ZPBP: variants seen among roughly 807,000 people sequenced by gnomAD.
ZPBP encodes the protein zona pellucida binding protein.
ZPBP carries 26 observed loss-of-function variants against 44.8 expected under a neutral mutation model. The observed-to-expected ratio is 0.58, with a 90% CI of 0.43 to 0.81. ZPBP has a LOEUF of 0.81. Ranked by LOEUF, ZPBP falls within the 30% of genes least tolerant of loss-of-function variation. The pLI is 0.00. For synonymous variants in ZPBP, 174 were observed against 153.2 expected (o/e 1.14, Z -1.00); for missense variants, 409 against 434.0 (o/e 0.94, Z 0.51).
chr7:49,953,884 C>T (rs1401857691), intron 7 of ZPBP, among the ~76,000 whole-genome samples: 1 of 151,990 alleles, frequency 6.6e-6, no homozygotes, highest in Non-Finnish European at 1.5e-5. Context: ...TAATATTACT[C>T]AAAGGGATCT....
At chr7:49,852,995 G>GCC (rs1790255560) in intron 2 of ZPBP, among the ~76,000 whole-genome samples, 1 of 152,210 alleles carries the variant, frequency 6.6e-6, no homozygotes. Context: ...CCAGTCCAGA[G>GCC]CCCTTTCCTC....
chr7:50,093,213 T>G lies in ZPBP; in HGVS notation c.-19A>C. The G allele has an allele frequency of 2.7e-6, 4 of 1,508,416 alleles. 1 individual carries two copies. The highest frequency in any genetic ancestry group is 4.7e-4 in the Middle Eastern group (2 of 4,262). 93.4% of individuals were successfully genotyped at this position (1,508,416 alleles called of 1,614,324 possible). A position where few individuals can be genotyped will look rare whatever the true frequency, so the allele number is the denominator to read the frequency against. On this transcript the variant is annotated 5_prime_UTR_variant, in exon 1 of 8. Transcript: ENST00000046087. ...CCTCCATCCACACGCCGCCGTCGCC[T>G]GCCCACCGTCCGCGCGGAAGGTCGT...
Position 50,058,101 on chromosome 7 carries a change from A to G in ZPBP, c.375T>C (p.Leu125=), listed in dbSNP as rs76027725. Residue 125 remains leucine, a synonymous_variant, in exon 4 of 8, where the codon CTT becomes CTC. Transcript: ENST00000046087. ...TACTCTCCTCAAAATTTTGGAATAC[A>G]AGGCTTCCTGTGGATGTTATTTGTG... ...RTAQITSTGS[L]VFQNFEESMS... is the part of the protein sequence containing the mutation. The G allele has an allele frequency of 0.036, 58,843 of 1,613,794 alleles. 1,214 individuals are homozygous for G. The highest frequency in any genetic ancestry group is 0.044 in the Middle Eastern group (266 of 6,028).
At chr7:50,065,015 T>C (rs1022809223) in intron 3 of ZPBP, among the ~76,000 whole-genome samples, 3 of 152,216 alleles carry the variant, frequency 2.0e-5, no homozygotes, top group Non-Finnish European at 4.4e-5. Context: ...AACTAATAAA[T>C]GTCCATAAAA....
intron 5 of ZPBP, among the ~76,000 whole-genome samples, chr7:50,021,499 TAAGTG>T (rs1799088948): frequency 1.3e-5 from 2 of 151,926 alleles, no homozygotes; most frequent in Non-Finnish European, 2.9e-5. Context: ...AAAAAAATTT[TAAGTG>T]AAGAGAACCT....
At chr7:50,002,414 G>T (rs1780856464) in intron 6 of ZPBP, among the ~76,000 whole-genome samples, 1 of 152,040 alleles carries the variant, frequency 6.6e-6, no homozygotes, top group Non-Finnish European at 1.5e-5. Flanking sequence ...ATCAGACAGG[G>T]TATCATTATG....
rs147864924 is a variant in ZPBP at position 49,960,007 on chromosome 7, G to T, written c.962-22385C>A. Among the ~76,000 whole-genome samples, 38 of 152,256 alleles carry T rather than the reference G, an allele frequency of 2.5e-4. No individual in the cohort carries two copies. In the East Asian group the frequency reaches 4.2e-3, roughly 17 times the overall value. ...AAAGTATCTTCAATAAATGGTACTG[G>T]ATCATTAAGATATGATATCTTTATG... is the stretch of plus-strand genomic sequence containing the variant. On this transcript the variant is annotated intron_variant, in intron 7 of 7. Transcript: ENST00000046087.
chr7:49,857,153 G>A (rs1790459516), intron 2 of ZPBP, among the ~76,000 whole-genome samples: 1 of 150,332 alleles, frequency 6.7e-6, no homozygotes, highest in Non-Finnish European at 1.5e-5. Flanking sequence ...TTGCATAACT[G>A]AAACTTTATA....
chr7:50,016,753 T>C (rs1006568148), intron 6 of ZPBP, among the ~76,000 whole-genome samples: 5 of 152,138 alleles, frequency 3.3e-5, no homozygotes, highest in African/African-American at 1.2e-4. Context: ...GGGTAAAAGA[T>C]GTTTTAGGTA....
rs910287311 is a variant in ZPBP, at chr7:50,090,974, A to ATT, written c.128-1267_128-1266dup. ...TTTCACTGCATCCACACCAACATCT[A>ATT]TTTTTTTTTTTATTTTTTGATTATG... On this transcript the variant is annotated intron_variant, in intron 1 of 7. Transcript: ENST00000046087. 2.6e-4 allele frequency among the ~76,000 whole-genome samples: 38 copies of ATT among 145,806 alleles called. 1 individual carries two copies. The highest frequency in any genetic ancestry group is 9.3e-4 in the African/African-American group (37 of 39,844).
chr7:49,966,403 C>G (rs1796064342), intron 7 of ZPBP, among the ~76,000 whole-genome samples: 1 of 151,986 alleles, frequency 6.6e-6, no homozygotes. Flanking sequence ...TTTTGAAGTA[C>G]AAATGGAACA....
At chr7:49,918,852 G>A (rs1793860790) in intron 1 of ZPBP, 1 of 152,070 alleles carries the variant, frequency 6.6e-6, no homozygotes, top group Non-Finnish European at 1.5e-5. Flanking sequence ...GGTGGATCAG[G>A]AGTTTGAGGC....
chr7:50,013,619 G>A (rs944127511), intron 6 of ZPBP, among the ~76,000 whole-genome samples: 3 of 151,802 alleles, frequency 2.0e-5, no homozygotes, highest in Non-Finnish European at 2.9e-5. Flanking sequence ...AATGGATTAC[G>A]AATTTTCCAA....
chr7:49,955,261 A>G (rs1358047287), intron 7 of ZPBP, among the ~76,000 whole-genome samples: 1 of 152,174 alleles, frequency 6.6e-6, no homozygotes, highest in African/African-American at 2.4e-5. Flanking sequence ...CTACTCTCAT[A>G]AGAAACTAAA....
At chr7:49,930,501 T>G (rs1191836010) in intron 1 of ZPBP, among the ~76,000 whole-genome samples, 1 of 152,158 alleles carries the variant, frequency 6.6e-6, no homozygotes, top group African/African-American at 2.4e-5. Context: ...TGAGGAAAGT[T>G]AAACCTCACT....
chr7:49,856,728 T>C (rs1459751908), intron 2 of ZPBP, among the ~76,000 whole-genome samples: 1 of 152,166 alleles, frequency 6.6e-6, no homozygotes, highest in Non-Finnish European at 1.5e-5. Flanking sequence ...TTTTGTTCTG[T>C]TTGTTTTGTG....
intron 3 of ZPBP, among the ~76,000 whole-genome samples, chr7:50,070,464 C>A (rs1468708906): frequency 6.6e-6 from 1 of 152,216 alleles, no homozygotes; most frequent in African/African-American, 2.4e-5. Context: ...CAGTTTTCAT[C>A]CGGGTGAAGC....
chr7:49,936,553 A>G (rs1385171783), downstream of ZPBP, among the ~76,000 whole-genome samples: 1 of 152,230 alleles, frequency 6.6e-6, no homozygotes, highest in Non-Finnish European at 1.5e-5. Flanking sequence ...ACAAACGTTT[A>G]TGTCTTAAGA....
intron 3 of ZPBP, among the ~76,000 whole-genome samples, chr7:50,075,810 A>G (rs1802048402): frequency 6.6e-6 from 1 of 152,034 alleles, no homozygotes; most frequent in African/African-American, 2.4e-5. Context: ...TTGCTGCTGA[A>G]TTAAACGAAA....
Sources: gnomAD v4.1 joint callset for allele counts (sites outside exome capture counted in the v4.1 genomes callset) on GRCh38, gnomAD v4.1.1 for gene constraint, MANE v1.5 for transcripts, NCBI Gene and HGNC (gene_info 2026-07-23, HGNC 2026-07-21) for gene names.